The following GNAI1 variants were observed in gnomAD, a reference collection of about 807,000 sequenced individuals.
GNAI1 encodes the protein G protein subunit alpha i1.
GNAI1 carries 11 observed loss-of-function variants against 38.9 expected under a neutral mutation model. The ratio of observed to expected loss-of-function variants is 0.28; its 90% CI spans 0.18 to 0.47. GNAI1 has a LOEUF of 0.47. Ranked by LOEUF, GNAI1 falls within the 20% of genes least tolerant of loss-of-function variation. The pLI is 0.99. For synonymous variants in GNAI1, 166 were observed against 145.1 expected (o/e 1.14, Z -1.04); for missense variants, 317 against 436.9 (o/e 0.73, Z 2.45).
chr7:80,141,870 AG>A (rs1787532093), intron 1 of GNAI1, among the ~76,000 whole-genome samples: 1 of 152,202 alleles, frequency 6.6e-6, no homozygotes, highest in Non-Finnish European at 1.5e-5. Flanking sequence ...GACTTAATTC[AG>A]CTAAGCTTTC....
intron 3 of GNAI1, among the ~76,000 whole-genome samples, chr7:80,191,670 G>A (rs1444998600): frequency 6.6e-6 from 1 of 152,154 alleles, no homozygotes; most frequent in South Asian, 2.1e-4. Flanking sequence ...AGGATTACAA[G>A]CGTGAGCCAC....
intron 1 of GNAI1, among the ~76,000 whole-genome samples, chr7:80,154,537 G>C (rs539159406): frequency 6.6e-6 from 1 of 152,264 alleles, no homozygotes; most frequent in South Asian, 2.1e-4. Context: ...TTTCCAGACT[G>C]AAGTTATCTG....
intron 1 of GNAI1, among the ~76,000 whole-genome samples, chr7:80,139,753 G>T (rs1787489853): frequency 6.6e-6 from 1 of 152,174 alleles, no homozygotes; most frequent in Non-Finnish European, 1.5e-5. Flanking sequence ...TGAACACATG[G>T]CATCTAAAAT....
chr7:80,168,171 A>G (rs1788043720), intron 1 of GNAI1, among the ~76,000 whole-genome samples: 1 of 152,122 alleles, frequency 6.6e-6, no homozygotes, highest in African/African-American at 2.4e-5. Context: ...CTCAGACTAG[A>G]GAATATACAA....
At position 80,135,097 on chromosome 7, in the gene GNAI1, C is replaced by T. The variant is rs968663658; in HGVS notation, c.-64C>T. 11 of 1,134,248 alleles carry T rather than the reference C, an allele frequency of 9.7e-6. No individual in the cohort carries two copies. In the Admixed American group the frequency reaches 1.4e-4, roughly 14 times the overall value. The allele number at this position is 1,134,248 out of a possible 1,614,324, so 70.3% of individuals were successfully genotyped here. On this transcript the variant is annotated 5_prime_UTR_variant, in exon 1 of 8. Transcript: ENST00000649796. ...GCCCGCTAGGAGAGAGAAAGGATTC[C>T]CCTGTGCTTGGAGCCCGCACTCGGG...
At position 80,189,217 on chromosome 7, in the gene GNAI1, G is replaced by T; in HGVS notation, c.289G>T (p.Asp97Tyr). 6.2e-7 allele frequency: 1 copy of T among 1,610,084 alleles called. No individual in the cohort carries two copies. Among genetic ancestry groups the T allele is most frequent in the Non-Finnish European group, 8.5e-7 (1 of 1,178,958 alleles). Residue 97 changes from aspartate to tyrosine, a missense_variant, in exon 3 of 8, where the codon GAC becomes TAC. Asp to Tyr is a radical substitution (Grantham distance 160). Transcript: ENST00000649796. Reference protein sequence around the residue: ...AMGRLKIDFGDSARADDARQL... With the variant: ...AMGRLKIDFGYSARADDARQL... ...GGGGAGGTTGAAGATAGACTTTGGT[G>T]ACTCAGCCCGGGCGGTAAGTTATTA...
intron 1 of GNAI1, among the ~76,000 whole-genome samples, chr7:80,179,109 G>C (rs1206888621): frequency 6.6e-6 from 1 of 152,068 alleles, no homozygotes; most frequent in African/African-American, 2.4e-5. Context: ...TTACTATTTT[G>C]GGGAGGGAAG....
chr7:80,135,823 G>A, intron 1 of GNAI1: 2 of 985,224 alleles, frequency 2.0e-6, no homozygotes, highest in South Asian at 9.4e-5. Flanking sequence ...ACTTCCTATG[G>A]CGACTCCTTA....
chr7:80,178,998 A>T (rs1161677582), intron 1 of GNAI1, among the ~76,000 whole-genome samples: 1 of 152,226 alleles, frequency 6.6e-6, no homozygotes, highest in Non-Finnish European at 1.5e-5. Context: ...ATTTCAACAA[A>T]AGTGTAATGT....
chr7:80,139,658 T>C (rs1787487899), intron 1 of GNAI1, among the ~76,000 whole-genome samples: 1 of 152,232 alleles, frequency 6.6e-6, no homozygotes, highest in South Asian at 2.1e-4. Flanking sequence ...TGTGCTCTGC[T>C]GTTTTCAATA....
intron 3 of GNAI1, 101 bp downstream of exon 3, chr7:80,189,332 A>G (rs962827613): frequency 1.4e-4 from 151 of 1,041,780 alleles, no homozygotes; most frequent in African/African-American, 4.9e-5. Context: ...TATCAGGACC[A>G]TTTCATAAAA....
At chr7:80,207,146 C>G (rs1341077436) in intron 5 of GNAI1, among the ~76,000 whole-genome samples, 1 of 151,882 alleles carries the variant, frequency 6.6e-6, no homozygotes, top group Non-Finnish European at 1.5e-5. Flanking sequence ...GTGTTAGAGG[C>G]TTAAAAATAA....
At chr7:80,138,925 CT>C (rs1787473995) in intron 1 of GNAI1, among the ~76,000 whole-genome samples, 1 of 152,072 alleles carries the variant, frequency 6.6e-6, no homozygotes, top group Non-Finnish European at 1.5e-5. Flanking sequence ...CCAGGCAGCC[CT>C]TTGGGATGCT....
rs67345654 is a variant in GNAI1, at chr7:80,222,382, A to ATTTTTTT, written c.*4902_*4908dup. On this transcript the variant is annotated 3_prime_UTR_variant, in exon 8 of 8. Transcript: ENST00000649796. The stretch of plus-strand genomic sequence containing the variant: ...TGAAGGAGCTAGTTCTTCAAATTTA[A>ATTTTTTT]TTTTTTTTTTTTTTTTTTTCCTGAG... Among the ~76,000 whole-genome samples, 6,374 of 127,238 alleles carry ATTTTTTT rather than the reference A, an allele frequency of 0.05. 171 individuals carry two copies. Among genetic ancestry groups the ATTTTTTT allele is most frequent in the Non-Finnish European group, 0.077 (4,741 of 61,512 alleles). 83.5% of individuals were successfully genotyped at this position (127,238 alleles called of 152,430 possible).
intron 1 of GNAI1, among the ~76,000 whole-genome samples, chr7:80,149,605 T>C (rs1288799315): frequency 6.6e-6 from 1 of 152,054 alleles, no homozygotes; most frequent in Non-Finnish European, 1.5e-5. Context: ...AAGGACTATA[T>C]ACTCTAAAGA....
chr7:80,153,330 G>T (rs1787761252), intron 1 of GNAI1, among the ~76,000 whole-genome samples: 1 of 151,972 alleles, frequency 6.6e-6, no homozygotes, highest in Non-Finnish European at 1.5e-5. Context: ...TATACAATGT[G>T]CATCTTAAAA....
rs1261389270 is a variant in GNAI1, at chr7:80,220,336, T to C, written c.*2843T>C. Among the ~76,000 whole-genome samples, 1 of 152,246 alleles carries C rather than the reference T, an allele frequency of 6.6e-6. No homozygotes were observed. The highest frequency in any genetic ancestry group is 2.4e-5 in the African/African-American group (1 of 41,470). ...TTATTAGCACTTTTAAAATGGTGTGTAAAATGTATTGGCACTTTTAAATTT... is the reference window on the plus strand; with the variant it reads ...TTATTAGCACTTTTAAAATGGTGTGCAAAATGTATTGGCACTTTTAAATTT... On this transcript the variant is annotated 3_prime_UTR_variant, in exon 8 of 8. Coordinates refer to ENST00000649796, the MANE Select transcript of GNAI1 (RefSeq NM_002069.6).
At position 80,218,417 on chromosome 7, in the gene GNAI1, G is replaced by A. The variant is rs1184135852; in HGVS notation, c.*924G>A. ...ATTTTTGTTTATAACTAAGTTTGGAGGGATCCTAAGAGCATTTTTGTGGGT... is the reference window on the plus strand; with the variant it reads ...ATTTTTGTTTATAACTAAGTTTGGAAGGATCCTAAGAGCATTTTTGTGGGT... On this transcript the variant is annotated 3_prime_UTR_variant, in exon 8 of 8. Transcript: ENST00000649796. 1 of 151,760 alleles carries A rather than the reference G, an allele frequency of 6.6e-6. No individual in the cohort carries two copies. Among genetic ancestry groups the A allele is most frequent in the East Asian group, 1.9e-4 (1 of 5,168 alleles). The allele number at this position is 151,760 out of a possible 1,614,324, so 9.4% of individuals were successfully genotyped here. A position where few individuals can be genotyped will look rare whatever the true frequency, so the allele number is the denominator to read the frequency against.
intron 1 of GNAI1, among the ~76,000 whole-genome samples, chr7:80,169,574 C>T (rs1308816888): frequency 6.6e-6 from 1 of 152,114 alleles, no homozygotes; most frequent in Non-Finnish European, 1.5e-5. Flanking sequence ...AGGATGACTT[C>T]ATGGAAGGGA....
Sources: gnomAD v4.1 joint callset for allele counts (sites outside exome capture counted in the v4.1 genomes callset) on GRCh38, gnomAD v4.1.1 for gene constraint, MANE v1.5 for transcripts, NCBI Gene and HGNC (gene_info 2026-07-23, HGNC 2026-07-21) for gene names.